The following CPNE9 variants were observed in gnomAD, a reference collection of about 807,000 sequenced individuals.
CPNE9 encodes the protein copine-9.
CPNE9 carries 59 observed loss-of-function variants against 83.0 expected under a neutral mutation model. That is an observed-to-expected ratio of 0.71 (90% CI 0.58 to 0.88). The LOEUF (loss-of-function observed/expected upper bound fraction) is 0.88. Among genes scored for constraint, CPNE9 ranks in the 40% least tolerant of loss-of-function variants. CPNE9 has a pLI of 0.00. For missense variants in CPNE9, 619 were observed against 720.8 expected (o/e 0.86, Z 1.62); for synonymous variants, 256 against 273.4 (o/e 0.94, Z 0.63).
Position 9,712,756 on chromosome 3 carries a change from A to C in CPNE9, c.473A>C (p.Lys158Thr), listed in dbSNP as rs760386532. 1.3e-5 allele frequency: 21 copies of C among 1,614,064 alleles called. No homozygotes were observed. Among genetic ancestry groups the C allele is most frequent in the Non-Finnish European group, 1.8e-5 (21 of 1,180,040 alleles). The stretch of plus-strand genomic sequence containing the variant: ...GCCACCATGCAGCTGTGTGCAAACA[A>C]GCTGGACAAGAAGGACTTCTTTGGG... ...DIATMQLCAN[K>T]LDKKDFFGKS... The change falls in exon 9 of 21, where the codon AAG becomes ACG. Residue 158 changes from lysine to threonine, a missense_variant. Around this residue, in one of 3 missense-constraint regions of CPNE9, gnomAD observed 438 missense variants for 562.9 expected, o/e 0.78. Coordinates refer to ENST00000383832, the MANE Select transcript of CPNE9 (RefSeq NM_153635.3).
At chr3:9,707,914 G>T (rs943172503) in intron 7 of CPNE9, among the ~76,000 whole-genome samples, 2 of 152,112 alleles carry the variant, frequency 1.3e-5, no homozygotes, top group Non-Finnish European at 2.9e-5. Context: ...CCAAGTGGAG[G>T]TATCAAATGA....
At chr3:9,726,597 T>C in intron 18 of CPNE9, 68 bp from the exon 19 acceptor site, 2 of 1,232,302 alleles carry the variant, frequency 1.6e-6, no homozygotes, top group South Asian at 2.4e-5. Flanking sequence ...CACAGAGAAC[T>C]GTCTCCCAAC....
intron 17 of CPNE9, among the ~76,000 whole-genome samples, chr3:9,723,957 A>G (rs1177078990): frequency 3.9e-5 from 6 of 152,256 alleles, no homozygotes; most frequent in African/African-American, 1.4e-4. Flanking sequence ...AAAGTTCTGT[A>G]TCTGTGCAGG....
intron 13 of CPNE9, 120 bp downstream of exon 13, chr3:9,715,646 A>C: frequency 1.2e-6 from 1 of 856,582 alleles, no homozygotes; most frequent in Non-Finnish European, 1.9e-6. Context: ...TGGAATAGTA[A>C]TATTGGGCAC....
chr3:9,704,848 C>G lies in CPNE9; in HGVS notation c.157-43C>G. On this transcript the variant is annotated intron_variant, in intron 3 of 20. Coordinates refer to ENST00000383832, the MANE Select transcript of CPNE9 (RefSeq NM_153635.3). The surrounding 1 kb of genome is among the most constrained non-coding windows in gnomAD (Gnocchi z 7.1). ...AGGGCGTCGCCCGGGAATTCCCCTG[C>G]CCGTCTGCACGTCCCACGCTGACCC... is the stretch of plus-strand genomic sequence containing the variant. 6.2e-7 allele frequency: 1 copy of G among 1,601,848 alleles called. No homozygotes were observed. The highest frequency in any genetic ancestry group is 8.5e-7 in the Non-Finnish European group (1 of 1,172,172).
rs1223941041 is a variant in CPNE9 at position 9,715,508 on chromosome 3, A to G, written c.804A>G (p.Lys268=). ...CTCGGAAGAAATGTAAGAAGAAGAA[A>G]TATGTCAACTCAGGAACTGTGAGTG... ...LNPRKKCKKK[K]YVNSGTVTLL... The change falls in exon 13 of 21, where the codon AAA becomes AAG. Residue 268 remains lysine, a synonymous_variant. Coordinates refer to ENST00000383832, the MANE Select transcript of CPNE9 (RefSeq NM_153635.3). The G allele has an allele frequency of 6.2e-7, 1 of 1,614,036 alleles. No homozygotes were observed. Among genetic ancestry groups the G allele is most frequent in the Non-Finnish European group, 8.5e-7 (1 of 1,179,908 alleles).
intron 17 of CPNE9, among the ~76,000 whole-genome samples, chr3:9,724,062 T>G (rs780756392): frequency 3.3e-5 from 5 of 152,142 alleles, no homozygotes; most frequent in Non-Finnish European, 5.9e-5. Flanking sequence ...TTTAATTAAT[T>G]TAAATTTCAA....
intron 7 of CPNE9, among the ~76,000 whole-genome samples, chr3:9,710,306 T>C (rs2076614201): frequency 6.6e-6 from 1 of 152,200 alleles, no homozygotes; most frequent in Non-Finnish European, 1.5e-5. Context: ...GAGGGATAAA[T>C]AGGCACAAAG....
intron 20 of CPNE9, among the ~76,000 whole-genome samples, chr3:9,729,031 A>G (rs2076807249): frequency 6.6e-6 from 1 of 151,922 alleles, no homozygotes; most frequent in Admixed American, 6.6e-5. Flanking sequence ...AAGAGAGCTG[A>G]GAGAGAGAAG....
intron 13 of CPNE9, 117 bp downstream of exon 13, chr3:9,715,643 G>A (rs1377382279): frequency 2.3e-6 from 2 of 869,424 alleles, no homozygotes; most frequent in Non-Finnish European, 3.8e-6. Flanking sequence ...ACTTGGAATA[G>A]TAATATTGGG....
chr3:9,724,901 C>T (rs1559645519), intron 17 of CPNE9, among the ~76,000 whole-genome samples: 1 of 152,076 alleles, frequency 6.6e-6, no homozygotes, highest in Non-Finnish European at 1.5e-5. Flanking sequence ...GGATTACAGG[C>T]ACCCACCACC....
intron 7 of CPNE9, among the ~76,000 whole-genome samples, chr3:9,707,609 CTG>C (rs919354077): frequency 4.0e-5 from 6 of 150,976 alleles, no homozygotes; most frequent in African/African-American, 1.5e-4. Context: ...TTGACACAAA[CTG>C]AGATAGTAGG....
intron 17 of CPNE9, among the ~76,000 whole-genome samples, chr3:9,720,350 T>A (rs1244798485): frequency 6.6e-6 from 1 of 152,052 alleles, no homozygotes; most frequent in Non-Finnish European, 1.5e-5. Flanking sequence ...TCCATAGACT[T>A]TTTCCCCTAG....
At chr3:9,725,727 T>C (rs532616026) in intron 17 of CPNE9, among the ~76,000 whole-genome samples, 6 of 146,706 alleles carry the variant, frequency 4.1e-5, no homozygotes, top group African/African-American at 1.5e-4. Context: ...TGTATATGTA[T>C]ATATTTCATA....
intron 7 of CPNE9, among the ~76,000 whole-genome samples, chr3:9,712,232 G>A (rs774485424): frequency 6.6e-6 from 1 of 152,168 alleles, no homozygotes; most frequent in East Asian, 1.9e-4. Context: ...GACTAAGGCC[G>A]AGGAAGGGTA....
chr3:9,715,859 T>G (rs1575124965), intron 13 of CPNE9, 115 bp from the exon 14 acceptor site: 1 of 824,320 alleles, frequency 1.2e-6, no homozygotes, highest in Non-Finnish European at 2.0e-6. Flanking sequence ...GGGGAGCGGG[T>G]GGAATCATGT....
At chr3:9,725,700 A>G (rs1374814400) in intron 17 of CPNE9, among the ~76,000 whole-genome samples, 1 of 138,698 alleles carries the variant, frequency 7.2e-6, no homozygotes, top group African/African-American at 2.7e-5. Context: ...ATATATGTGT[A>G]TATATGTGTA....
Position 9,704,470 on chromosome 3 carries a change from T to A in CPNE9, c.69-117T>A. On this transcript the variant is annotated intron_variant, in intron 1 of 20. Coordinates refer to ENST00000383832, the MANE Select transcript of CPNE9 (RefSeq NM_153635.3). This position sits in a 1 kb window ranked among gnomAD's most constrained non-coding sequence, Gnocchi z 7.1. The stretch of plus-strand genomic sequence containing the variant: ...AGCGGACCCCGGCTGGGGGTAGCCA[T>A]GGGGGACAGAGGTTCGATGCGGGCC... 2 of 884,770 alleles carry A rather than the reference T, an allele frequency of 2.3e-6. No homozygotes were observed. The highest frequency in any genetic ancestry group is 1.9e-6 in the Non-Finnish European group (1 of 516,724). 54.8% of individuals were successfully genotyped at this position (884,770 alleles called of 1,614,324 possible). A position where few individuals can be genotyped will look rare whatever the true frequency, so the allele number is the denominator to read the frequency against.
intron 17 of CPNE9, among the ~76,000 whole-genome samples, chr3:9,721,926 T>G (rs1005078759): frequency 1.3e-5 from 2 of 151,714 alleles, no homozygotes; most frequent in South Asian, 2.1e-4. Flanking sequence ...GTTTTTAGTT[T>G]TTTTTTTTTT....
Sources: allele counts gnomAD v4.1 joint callset (sites outside exome capture counted in the v4.1 genomes callset), GRCh38; gene constraint gnomAD v4.1.1; regional missense constraint gnomAD v4.1.1; non-coding constraint Gnocchi (gnomAD v3.1); transcripts MANE v1.5; gene names NCBI Gene and HGNC (gene_info 2026-07-23, HGNC 2026-07-21).